Variants in C19orf44 observed in about 807,000 individuals in gnomAD.
C19orf44 encodes uncharacterized protein C19orf44.
In C19orf44, 43 loss-of-function variants were observed where a neutral mutation model predicts 50.7. The observed-to-expected ratio is 0.85, with a 90% CI of 0.66 to 1.09. The LOEUF (loss-of-function observed/expected upper bound fraction) is 1.09, where lower values mean the gene tolerates loss of function less well. Among genes scored for constraint, C19orf44 ranks in the 50% least tolerant of loss-of-function variants. The probability of loss-of-function intolerance (pLI) is 0.00; values close to 1 mark genes in which losing one functional copy is unlikely to be tolerated. For missense variants in C19orf44, 722 were observed against 836.2 expected (o/e 0.86, Z 1.68); for synonymous variants, 298 against 334.7 (o/e 0.89, Z 1.20).
Position 16,519,779 on chromosome 19 carries a change from T to C in C19orf44, c.*41-315T>C, listed in dbSNP as rs1448049565. 1 of 1,384,378 alleles carries C rather than the reference T, an allele frequency of 7.2e-7. No homozygotes were observed. 85.8% of individuals were successfully genotyped at this position (1,384,378 alleles called of 1,614,324 possible). ...GAGACATTTATTGGAATGACAGTGA[T>C]GAGGACCTCACAGCCGCAGCTTGCG... On this transcript the variant is annotated intron_variant, in intron 8 of 8. Coordinates refer to ENST00000221671, the MANE Select transcript of C19orf44 (RefSeq NM_032207.4). The surrounding 1 kb of genome is among the most constrained non-coding windows in gnomAD (Gnocchi z 6.0).
rs1276988267 is a variant in C19orf44, at chr19:16,501,555, A to C, written c.759+4A>C. 7.4e-7 allele frequency: 1 copy of C among 1,352,306 alleles called. No individual in the cohort carries two copies. Among genetic ancestry groups the C allele is most frequent in the Non-Finnish European group, 9.5e-7 (1 of 1,051,824 alleles). The allele number at this position is 1,352,306 out of a possible 1,614,324, so 83.8% of individuals were successfully genotyped here. Reference sequence around the variant, plus strand: ...AGAAGAAAGAAAACTATTTTCGGTGAGATTTTTTTTTTTTGGTAAATTTAT... The same window carrying C: ...AGAAGAAAGAAAACTATTTTCGGTGCGATTTTTTTTTTTTGGTAAATTTAT... On this transcript the variant is annotated splice_donor_region_variant and intron_variant, in intron 2 of 8. Coordinates refer to ENST00000221671, the MANE Select transcript of C19orf44 (RefSeq NM_032207.4).
chr19:16,518,454 A>C (rs186062813), intron 8 of C19orf44: 1 of 152,270 alleles, frequency 6.6e-6, no homozygotes, highest in East Asian at 1.9e-4. Flanking sequence ...ATTCCAGAAA[A>C]AAAATATCAA....
intron 1 of C19orf44, among the ~76,000 whole-genome samples, chr19:16,500,103 A>G (rs2093420786): frequency 6.6e-6 from 1 of 151,742 alleles, no homozygotes; most frequent in Non-Finnish European, 1.5e-5. Context: ...TAATTTTTGT[A>G]TTTTTAGTAG....
In C19orf44 at chr19:16,501,398, A is replaced by C. The variant is rs762007255; in HGVS notation, c.606A>C (p.Lys202Asn). The change falls in exon 2 of 9, where the codon AAA becomes AAC. Residue 202 changes from lysine to asparagine, a missense_variant. Physicochemically the swap from Lys to Asn is moderately conservative, Grantham distance 94. Coordinates refer to ENST00000221671, the MANE Select transcript of C19orf44 (RefSeq NM_032207.4). ...GGACTTTGCAAACCCCCAAACAGAA[A>C]GAACCTGCTAGAACATTTGATTCTC... ...KERTLQTPKQKEPARTFDSPD... is the reference protein window; with the variant it reads ...KERTLQTPKQNEPARTFDSPD... 3.5e-5 allele frequency: 56 copies of C among 1,613,754 alleles called. 1 individual carries two copies. In the South Asian group the frequency reaches 5.7e-4, roughly 16 times the overall value.
chr19:16,513,545 G>A (rs540395821), intron 6 of C19orf44, among the ~76,000 whole-genome samples: 8 of 152,182 alleles, frequency 5.3e-5, no homozygotes, highest in African/African-American at 1.7e-4. Flanking sequence ...CACCACGCCC[G>A]GCTAATTTTT....
In C19orf44 at chr19:16,521,187, TGAC is replaced by T. The variant is rs2122243686; in HGVS notation, c.*1135_*1137del. ...CTGTGGAACTGGGAAACAGGAACAC[TGAC>T]TCATGGGTGGACAGGCCTGCAGCCC... On this transcript the variant is annotated 3_prime_UTR_variant, in exon 9 of 9. Coordinates refer to ENST00000221671, the MANE Select transcript of C19orf44 (RefSeq NM_032207.4). 1.7e-6 allele frequency: 1 copy of T among 582,288 alleles called. No homozygotes were observed. The highest frequency in any genetic ancestry group is 2.9e-5 in the East Asian group (1 of 34,990). The allele number at this position is 582,288 out of a possible 1,614,324, so 36.1% of individuals were successfully genotyped here. A position where few individuals can be genotyped will look rare whatever the true frequency, so the allele number is the denominator to read the frequency against.
At chr19:16,498,825 C>T (rs772585124) in intron 1 of C19orf44, among the ~76,000 whole-genome samples, 5 of 151,966 alleles carry the variant, frequency 3.3e-5, no homozygotes, top group Non-Finnish European at 5.9e-5. Flanking sequence ...CGCCCACCAC[C>T]GCGCCCGGCT....
At chr19:16,502,343 T>G (rs1210003944) in intron 2 of C19orf44, among the ~76,000 whole-genome samples, 1 of 149,742 alleles carries the variant, frequency 6.7e-6, no homozygotes, top group African/African-American at 2.4e-5. Context: ...GTTCAAGCAA[T>G]TCTTTTGCCT....
chr19:16,518,875 G>T, intron 8 of C19orf44: 1 of 445,728 alleles, frequency 2.2e-6, no homozygotes, highest in Non-Finnish European at 4.0e-6. Flanking sequence ...TTACTCGGGC[G>T]GAGGGTCTTG....
At chr19:16,498,682 T>C (rs1317186275) in intron 1 of C19orf44, among the ~76,000 whole-genome samples, 1 of 152,070 alleles carries the variant, frequency 6.6e-6, no homozygotes, top group Non-Finnish European at 1.5e-5. Context: ...TTTTCTTTTT[T>C]TTTTTTGAGA....
At chr19:16,499,893 G>A (rs1432541911) in intron 1 of C19orf44, among the ~76,000 whole-genome samples, 1 of 151,222 alleles carries the variant, frequency 6.6e-6, no homozygotes, top group Non-Finnish European at 1.5e-5. Context: ...GGGTTCAAGC[G>A]ATTCTCCTGC....
chr19:16,517,509 C>T (rs1017437310), intron 8 of C19orf44, among the ~76,000 whole-genome samples, 168 bp downstream of exon 8: 20 of 152,224 alleles, frequency 1.3e-4, no homozygotes, highest in African/African-American at 2.9e-4. Flanking sequence ...GGTGGTGCTG[C>T]GGTGAGGGCC....
At chr19:16,498,200 G>A (rs1409639718) in intron 1 of C19orf44, among the ~76,000 whole-genome samples, 1 of 152,194 alleles carries the variant, frequency 6.6e-6, no homozygotes. Context: ...GTAACTCTAT[G>A]TCTAACCTTT....
In C19orf44 at chr19:16,519,411, G is replaced by A. The variant is rs967894083; in HGVS notation, c.*41-683G>A. The A allele has an allele frequency of 3.9e-6, 6 of 1,535,204 alleles. No homozygotes were observed. Among genetic ancestry groups the A allele is most frequent in the Middle Eastern group, 1.8e-4 (1 of 5,474 alleles). ...GGCGGAGGCAGATGGGGGTGCACGT[G>A]GGGGGCTGAATGTCCAGACAGGCAG... On this transcript the variant is annotated intron_variant, in intron 8 of 8. Transcript: ENST00000221671. This position sits in a 1 kb window ranked among gnomAD's most constrained non-coding sequence, Gnocchi z 6.0.
intron 4 of C19orf44, among the ~76,000 whole-genome samples, chr19:16,508,303 A>G (rs1340365656): frequency 6.7e-6 from 1 of 149,658 alleles, no homozygotes; most frequent in African/African-American, 2.5e-5. Flanking sequence ...TAGTTTCACC[A>G]TGTTGGCCAG....
chr19:16,512,697 G>T (rs1447883338), intron 5 of C19orf44, among the ~76,000 whole-genome samples: 1 of 151,918 alleles, frequency 6.6e-6, no homozygotes, highest in Non-Finnish European at 1.5e-5. Flanking sequence ...GGGAGACCCT[G>T]TCTCTACAAA....
rs768165306 is a variant in C19orf44 at position 16,506,700 on chromosome 19, G to A, written c.1076-1G>A. On this transcript the variant is annotated splice_acceptor_variant, in intron 3 of 8. Transcript: ENST00000221671. LOFTEE classifies it high-confidence loss of function. ...CGCTTATACTCATTTTTTAATTACAGAGTTTAGAATAAATATTTTATCGCT... is the reference window on the plus strand; with the variant it reads ...CGCTTATACTCATTTTTTAATTACAAAGTTTAGAATAAATATTTTATCGCT... The A allele has an allele frequency of 3.2e-6, 5 of 1,581,044 alleles. No individual in the cohort carries two copies. In the Admixed American group the frequency reaches 7.2e-5, roughly 23 times the overall value.
Position 16,519,519 on chromosome 19 carries a change from C to T in C19orf44, c.*41-575C>T. ...GGGTGGAGTCAGAACCGGCCTGACT[C>T]CATCCATCCCCACATGCACTGAGGA... On this transcript the variant is annotated intron_variant, in intron 8 of 8. Coordinates refer to ENST00000221671, the MANE Select transcript of C19orf44 (RefSeq NM_032207.4). The surrounding 1 kb of genome is among the most constrained non-coding windows in gnomAD (Gnocchi z 6.0). 1 of 1,283,840 alleles carries T rather than the reference C, an allele frequency of 7.8e-7. No individual in the cohort carries two copies. The highest frequency in any genetic ancestry group is 1.1e-6 in the Non-Finnish European group (1 of 889,378). 79.5% of individuals were successfully genotyped at this position (1,283,840 alleles called of 1,614,324 possible). A position where few individuals can be genotyped will look rare whatever the true frequency, so the allele number is the denominator to read the frequency against.
At chr19:16,504,167 G>C (rs2093433530) in intron 3 of C19orf44, among the ~76,000 whole-genome samples, 2 of 152,102 alleles carry the variant, frequency 1.3e-5, no homozygotes, top group African/African-American at 4.8e-5. Context: ...CTGCACTCCA[G>C]CCTGGGTGAC....
Sources: allele counts gnomAD v4.1 joint callset (sites outside exome capture counted in the v4.1 genomes callset), GRCh38; gene constraint gnomAD v4.1.1; non-coding constraint Gnocchi (gnomAD v3.1); transcripts MANE v1.5; gene names NCBI Gene and HGNC (gene_info 2026-07-23, HGNC 2026-07-21).